The following UTRN variants were observed in gnomAD, a reference collection of about 807,000 sequenced individuals.
UTRN encodes dystrophin-related protein 1.
Under a neutral mutation model 463.9 loss-of-function variants are expected in UTRN, and 283 were observed. That is an observed-to-expected ratio of 0.61 (90% confidence interval 0.55 to 0.67). The LOEUF (loss-of-function observed/expected upper bound fraction) is 0.67, where lower values mean the gene tolerates loss of function less well. UTRN is among the 30% of genes least tolerant of loss of function. UTRN has a pLI of 0.00. For synonymous variants in UTRN, 1,442 were observed against 1,431.5 expected, an observed-to-expected ratio of 1.01 and a Z score of -0.17; for missense variants, 3,922 against 4,084.3, an observed-to-expected ratio of 0.96 and a Z score of 1.08.
At chr6:144,578,239 G>A (rs573671771) in intron 51 of UTRN, among the ~76,000 whole-genome samples, 2 of 152,212 alleles carry the variant, frequency 1.3e-5, no homozygotes, top group South Asian at 4.2e-4. Flanking sequence ...ATTTCAATGG[G>A]GAAGTCTCCT....
chr6:144,753,422 C>G (rs1181830947), intron 56 of UTRN, among the ~76,000 whole-genome samples: 1 of 151,980 alleles, frequency 6.6e-6, no homozygotes, highest in East Asian at 1.9e-4. Context: ...TGAGACCAGC[C>G]TGGGCAACAT....
At chr6:144,334,380 C>T (rs901193365) in intron 2 of UTRN, among the ~76,000 whole-genome samples, 4 of 151,972 alleles carry the variant, frequency 2.6e-5, no homozygotes, top group African/African-American at 9.7e-5. Flanking sequence ...GAAGAGTAAC[C>T]ACCTTCCTGT....
intron 43 of UTRN, 146 bp from the exon 44 acceptor site, chr6:144,537,436 T>C: frequency 2.2e-6 from 1 of 444,968 alleles, no homozygotes; most frequent in Non-Finnish European, 3.3e-6. Flanking sequence ...ATATATACAT[T>C]GTTTCACTTA....
At chr6:144,638,045 T>C (rs556614830) in intron 51 of UTRN, among the ~76,000 whole-genome samples, 1 of 152,320 alleles carries the variant, frequency 6.6e-6, no homozygotes, top group East Asian at 1.9e-4. Flanking sequence ...GCTTCAGTGT[T>C]TGGTAGCTCT....
At position 144,429,742 on chromosome 6, in the gene UTRN, G is replaced by A. The variant is rs774138219; in HGVS notation, c.855+1G>A. On this transcript the variant is annotated splice_donor_variant, in intron 9 of 74. Coordinates refer to ENST00000367545, the MANE Select transcript of UTRN (RefSeq NM_007124.3). LOFTEE classifies it high-confidence loss of function. ...TGAAGAAGAGGCAATTAATATACAGGTACAGGTAACATTTTATTAAGATGT... is the reference window on the plus strand; with the variant it reads ...TGAAGAAGAGGCAATTAATATACAGATACAGGTAACATTTTATTAAGATGT... 1 of 1,605,864 alleles carries A rather than the reference G, an allele frequency of 6.2e-7. No individual in the cohort carries two copies. Among genetic ancestry groups the A allele is most frequent in the Non-Finnish European group, 8.5e-7 (1 of 1,177,538 alleles).
chr6:144,319,137 A>G (rs1251720579), intron 2 of UTRN, among the ~76,000 whole-genome samples: 3 of 143,962 alleles, frequency 2.1e-5, no homozygotes, highest in Non-Finnish European at 4.4e-5. Flanking sequence ...TATAATATTT[A>G]GTTAGGTTTT....
At chr6:144,568,242 TAA>T (rs34135671) in intron 50 of UTRN, among the ~76,000 whole-genome samples, 7 of 149,798 alleles carry the variant, frequency 4.7e-5, no homozygotes, top group East Asian at 2.0e-4. Context: ...CTGTTTGAAG[TAA>T]AAAAAAAAAT....
chr6:144,360,303 G>C (rs1281929258), intron 2 of UTRN, among the ~76,000 whole-genome samples: 1 of 151,830 alleles, frequency 6.6e-6, no homozygotes, highest in African/African-American at 2.4e-5. Context: ...CTCCCGAGTA[G>C]CTGGGATTAC....
At chr6:144,688,957 A>G (rs1026218096) in intron 52 of UTRN, among the ~76,000 whole-genome samples, 2 of 152,160 alleles carry the variant, frequency 1.3e-5, no homozygotes, top group African/African-American at 2.4e-5. Flanking sequence ...GGGATCTCTC[A>G]GGGAAATGCA....
intron 60 of UTRN, among the ~76,000 whole-genome samples, chr6:144,778,630 T>A (rs533639257): frequency 6.0e-5 from 9 of 150,602 alleles, no homozygotes; most frequent in East Asian, 3.9e-4. Flanking sequence ...ATAATAATAA[T>A]AAAATAAAAA....
chr6:144,647,255 G>A (rs1005699716), intron 51 of UTRN, among the ~76,000 whole-genome samples: 1 of 152,088 alleles, frequency 6.6e-6, no homozygotes, highest in African/African-American at 2.4e-5. Context: ...ATTTATACTG[G>A]TCATTTCTGT....
intron 51 of UTRN, among the ~76,000 whole-genome samples, chr6:144,582,247 A>G (rs1802036513): frequency 6.6e-6 from 1 of 152,236 alleles, no homozygotes. Flanking sequence ...TTAAAGAATC[A>G]TGACAACATT....
Position 144,757,963 on chromosome 6 carries a change from A to G in UTRN, c.8469A>G (p.Ser2823=). The G allele has an allele frequency of 6.2e-7, 1 of 1,611,222 alleles. No homozygotes were observed. The highest frequency in any genetic ancestry group is 8.5e-7 in the Non-Finnish European group (1 of 1,178,360). ...SVQLPWQRSI[S]HNKVPYYINH... ...AGCTGCCGTGGCAAAGATCCATTTC[A>G]CATAATAAAGTGCCCTATTACATCA... The change falls in exon 58 of 75, where the codon TCA becomes TCG. Residue 2823 remains serine (S), a synonymous_variant. Transcript: ENST00000367545.
intron 71 of UTRN, 21 bp downstream of exon 71, chr6:144,836,562 C>T (rs747736738): frequency 1.6e-5 from 25 of 1,610,992 alleles, no homozygotes; most frequent in African/African-American, 6.7e-5. Context: ...TAGAATTCAG[C>T]GTCACACCTC....
chr6:144,559,266 A>G (rs1028301446), intron 50 of UTRN, among the ~76,000 whole-genome samples: 2 of 152,136 alleles, frequency 1.3e-5, no homozygotes, highest in East Asian at 3.8e-4. Context: ...CTTTGTAGTT[A>G]CAAGTGGTTG....
chr6:144,663,262 C>CT (rs1780054398), intron 51 of UTRN, among the ~76,000 whole-genome samples: 1 of 152,128 alleles, frequency 6.6e-6, no homozygotes, highest in Admixed American at 6.6e-5. Context: ...TCCTAATCAT[C>CT]TAACAAAGTG....
At chr6:144,799,362 GA>G in intron 64 of UTRN, 2 of 451,274 alleles carry the variant, frequency 4.4e-6, no homozygotes, top group Non-Finnish European at 9.2e-6. Context: ...CTAAGAGGAG[GA>G]AAAGACAGGT....
At chr6:144,738,999 T>A (rs1789752921) in intron 54 of UTRN, among the ~76,000 whole-genome samples, 1 of 152,202 alleles carries the variant, frequency 6.6e-6, no homozygotes, top group Non-Finnish European at 1.5e-5. Flanking sequence ...CTTTATATAG[T>A]TGTGTATGAA....
At chr6:144,583,619 A>G (rs549840208) in intron 51 of UTRN, 27 of 665,728 alleles carry the variant, frequency 4.1e-5, no homozygotes, top group Non-Finnish European at 7.0e-5. Flanking sequence ...GTGATTGAAA[A>G]TAAGGATCTC....
Sources: allele counts gnomAD v4.1 joint callset (sites outside exome capture counted in the v4.1 genomes callset), GRCh38; gene constraint gnomAD v4.1.1; transcripts MANE v1.5; gene names NCBI Gene and HGNC (gene_info 2026-07-23, HGNC 2026-07-21).